Variants in VPS13B observed in about 807,000 individuals in gnomAD.
VPS13B encodes intermembrane lipid transfer protein VPS13B.
Under a neutral mutation model 426.4 loss-of-function variants are expected in VPS13B, and 285 were observed. The ratio of observed to expected loss-of-function variants is 0.67; its 90% CI spans 0.61 to 0.74. The LOEUF (loss-of-function observed/expected upper bound fraction) is 0.74. VPS13B is among the 30% of genes least tolerant of loss of function. VPS13B has a pLI of 0.00. For missense variants in VPS13B, 4,537 were observed against 4,782.6 expected (o/e 0.95, Z 1.51); for synonymous variants, 1,676 against 1,676.4 (o/e 1.00, Z 0.01).
chr8:99,753,479 T>C (rs1423873519), intron 39 of VPS13B, among the ~76,000 whole-genome samples: 2 of 152,204 alleles, frequency 1.3e-5, no homozygotes, highest in Non-Finnish European at 2.9e-5. Flanking sequence ...GTTTAGAGTT[T>C]GTAGTCTCAT....
intron 25 of VPS13B, among the ~76,000 whole-genome samples, chr8:99,484,962 C>T (rs1037511561): frequency 2.6e-5 from 4 of 151,890 alleles, no homozygotes; most frequent in Admixed American, 1.3e-4. Flanking sequence ...GCCTTGAGTA[C>T]ACGCAAATTT....
At position 99,137,544 on chromosome 8, in the gene VPS13B, A is replaced by C. The variant is rs117288754; in HGVS notation, c.1651+792A>C. ...TAGAAGTGTGGGTAAAAAAAAAAAA[A>C]AATGACAACTTTTGCTTGTGAGATT... On this transcript the variant is annotated intron_variant, in intron 12 of 61. Coordinates refer to ENST00000357162, the MANE Select transcript of VPS13B (RefSeq NM_152564.5). Among the ~76,000 whole-genome samples, 24 of 152,238 alleles carry C rather than the reference A, an allele frequency of 1.6e-4. 1 individual carries two copies. In the South Asian group the frequency reaches 2.9e-3, roughly 18 times the overall value.
At chr8:99,437,040 C>A (rs946930229) in intron 22 of VPS13B, among the ~76,000 whole-genome samples, 1 of 152,002 alleles carries the variant, frequency 6.6e-6, no homozygotes, top group Admixed American at 6.6e-5. Context: ...TTTTTAAAAA[C>A]GTTGTCCATT....
chr8:99,733,131 G>A lies in VPS13B; in HGVS notation c.7050+12084G>A, dbSNP rs146672493. ...ATAGTAAATATGAATTGATGGTCTGGTACCATCTTTTATGACTTGGTCTCT... is the reference window on the plus strand; with the variant it reads ...ATAGTAAATATGAATTGATGGTCTGATACCATCTTTTATGACTTGGTCTCT... On this transcript the variant is annotated intron_variant, in intron 39 of 61. Transcript: ENST00000357162. Among the ~76,000 whole-genome samples the A allele has an allele frequency of 5.5e-3, 842 of 152,260 alleles. 8 individuals carry two copies. Among genetic ancestry groups the A allele is most frequent in the African/African-American group, 0.019 (807 of 41,528 alleles).
In VPS13B at chr8:99,776,857, T is replaced by C. The variant is rs373779146; in HGVS notation, c.7330T>C (p.Ser2444Pro). ...TALAACTRVD[S>P]CFTPWFVPSL... ...CCTGGCTGCCTGTACCAGAGTTGAC[T>C]CCTGCTTTACCCCATGGTTTGTCCC... The change falls in exon 41 of 62, where the codon TCC becomes CCC. Residue 2444 changes from serine (S) to proline (P), a missense_variant. Transcript: ENST00000357162. 1 of 1,614,006 alleles carries C rather than the reference T, an allele frequency of 6.2e-7. No homozygotes were observed. The highest frequency in any genetic ancestry group is 8.5e-7 in the Non-Finnish European group (1 of 1,179,988).
At chr8:99,154,819 G>A (rs1294868557) in intron 14 of VPS13B, among the ~76,000 whole-genome samples, 1 of 151,796 alleles carries the variant, frequency 6.6e-6, no homozygotes, top group African/African-American at 2.4e-5. Context: ...GCCAAAGAAT[G>A]GTTAACTTAC....
intron 31 of VPS13B, among the ~76,000 whole-genome samples, chr8:99,560,236 G>T (rs1245625991): frequency 1.3e-5 from 2 of 152,108 alleles, no homozygotes; most frequent in Non-Finnish European, 1.5e-5. Flanking sequence ...AGGAATGCTT[G>T]TGATTTTTAC....
At chr8:99,776,743 A>T (rs371508163) in intron 40 of VPS13B, 32 bp from the exon 41 acceptor site, 1 of 1,613,346 alleles carries the variant, frequency 6.2e-7, no homozygotes, top group Admixed American at 1.7e-5. Flanking sequence ...AATTTTGGTT[A>T]TTGAACTTCT....
rs1819168216 is a variant in VPS13B at position 99,467,454 on chromosome 8, C to T, written c.3486C>T (p.Ser1162=). The change falls in exon 24 of 62, where the codon AGC becomes AGT. Residue 1162 remains serine (S), a synonymous_variant. Coordinates refer to ENST00000357162, the MANE Select transcript of VPS13B (RefSeq NM_152564.5). ...FPWTISLHNF[S]IYTLLGKQVT... ...GGACGATCAGCTTGCATAATTTCAGCATATATACCCTTCTTGGAAAACAAG... is the reference window on the plus strand; with the variant it reads ...GGACGATCAGCTTGCATAATTTCAGTATATATACCCTTCTTGGAAAACAAG... The T allele has an allele frequency of 6.2e-7, 1 of 1,613,734 alleles. No homozygotes were observed. The highest frequency in any genetic ancestry group is 8.5e-7 in the Non-Finnish European group (1 of 1,179,746).
At chr8:99,383,191 G>A (rs1347459679) in intron 19 of VPS13B, among the ~76,000 whole-genome samples, 1 of 152,142 alleles carries the variant, frequency 6.6e-6, no homozygotes, top group Non-Finnish European at 1.5e-5. Flanking sequence ...TGGAATTGCA[G>A]CCTGTTACAC....
chr8:99,315,960 TA>T (rs1563664537), intron 19 of VPS13B, among the ~76,000 whole-genome samples: 1 of 152,232 alleles, frequency 6.6e-6, no homozygotes, highest in East Asian at 1.9e-4. Flanking sequence ...TTTGTTTGCA[TA>T]GGGGAAGGCT....
rs933018346 is a variant in VPS13B at position 99,274,708 on chromosome 8, A to G, written c.2651-373A>G. 3.3e-5 allele frequency among the ~76,000 whole-genome samples: 5 copies of G among 152,120 alleles called. No individual in the cohort carries two copies. In the South Asian group the frequency reaches 8.3e-4, roughly 25 times the overall value. On this transcript the variant is annotated intron_variant, in intron 18 of 61. Coordinates refer to ENST00000357162, the MANE Select transcript of VPS13B (RefSeq NM_152564.5). The stretch of plus-strand genomic sequence containing the variant: ...AGTTGTTTTTAAATTTTGGTTGTAA[A>G]TGACTTTACCTTCCTACCAATATTT...
At chr8:99,396,092 G>A (rs1271202580) in intron 21 of VPS13B, among the ~76,000 whole-genome samples, 1 of 152,060 alleles carries the variant, frequency 6.6e-6, no homozygotes, top group African/African-American at 2.4e-5. Context: ...GAGCCTTATC[G>A]AACCGTGGGA....
intron 35 of VPS13B, among the ~76,000 whole-genome samples, chr8:99,662,918 C>T (rs901694379): frequency 3.3e-5 from 5 of 152,058 alleles, no homozygotes; most frequent in African/African-American, 1.2e-4. Context: ...ATTAGCTGGC[C>T]ATGGTGGCAC....
chr8:99,234,621 T>C (rs1816541607), intron 17 of VPS13B, among the ~76,000 whole-genome samples: 1 of 152,246 alleles, frequency 6.6e-6, no homozygotes, highest in African/African-American at 2.4e-5. Flanking sequence ...CAGTCCCTAG[T>C]ACATTATTAA....
At chr8:99,431,104 A>G (rs1407270705) in intron 21 of VPS13B, among the ~76,000 whole-genome samples, 1 of 152,208 alleles carries the variant, frequency 6.6e-6, no homozygotes, top group African/African-American at 2.4e-5. Flanking sequence ...TTTTCTATCA[A>G]TTTTGGATGA....
rs1312716680 is a variant in VPS13B at position 99,428,514 on chromosome 8, C to A, written c.3083-3023C>A. Reference sequence around the variant, plus strand: ...TTCTCAAGAGAAGACATTTTTGCAGCCAAAAGACACATGAAAAAATGCTCA... The same window carrying A: ...TTCTCAAGAGAAGACATTTTTGCAGACAAAAGACACATGAAAAAATGCTCA... On this transcript the variant is annotated intron_variant, in intron 21 of 61. Coordinates refer to ENST00000357162, the MANE Select transcript of VPS13B (RefSeq NM_152564.5). Among the ~76,000 whole-genome samples the A allele has an allele frequency of 3.9e-5, 6 of 152,078 alleles. No individual in the cohort carries two copies. The East Asian group carries it at 1.2e-3, about 29-fold the overall frequency.
intron 15 of VPS13B, among the ~76,000 whole-genome samples, chr8:99,163,043 A>T (rs55837765): frequency 6.6e-6 from 1 of 151,992 alleles, no homozygotes; most frequent in Non-Finnish European, 1.5e-5. Context: ...GAGCGGCTAG[A>T]TACAGAGTGT....
intron 34 of VPS13B, among the ~76,000 whole-genome samples, chr8:99,654,269 C>T (rs1829938578): frequency 6.6e-6 from 1 of 151,596 alleles, no homozygotes; most frequent in Non-Finnish European, 1.5e-5. Flanking sequence ...AGGATGATCT[C>T]GATCTCCTGA....
Sources: gnomAD v4.1 joint callset for allele counts (sites outside exome capture counted in the v4.1 genomes callset) on GRCh38, gnomAD v4.1.1 for gene constraint, MANE v1.5 for transcripts, NCBI Gene and HGNC (gene_info 2026-07-23, HGNC 2026-07-21) for gene names.